Variants in PCDHGB4 observed in about 807,000 individuals in gnomAD.
PCDHGB4 encodes the protein protocadherin gamma subfamily B, 4.
In PCDHGB4, 38 loss-of-function variants were observed where a neutral mutation model predicts 60.5. The ratio of observed to expected loss-of-function variants is 0.63; its 90% CI spans 0.48 to 0.82. The LOEUF (loss-of-function observed/expected upper bound fraction) is 0.82. Among genes scored for constraint, PCDHGB4 ranks in the 40% least tolerant of loss-of-function variants. The pLI is 0.00. For synonymous variants in PCDHGB4, 456 were observed against 509.7 expected (o/e 0.89, Z 1.42); for missense variants, 1,109 against 1,209.6 (o/e 0.92, Z 1.23).
In PCDHGB4 at chr5:141,476,235, A is replaced by G; in HGVS notation, c.2398-18572A>G. ...GTCATTCACTATGAGATCCCGGAGG[A>G]AAGAGAGAAGGGTTTCGCTGTGGGC... is the stretch of plus-strand genomic sequence containing the variant. On this transcript the variant is annotated intron_variant, in intron 1 of 3. Coordinates refer to ENST00000519479, the MANE Select transcript of PCDHGB4 (RefSeq NM_003736.4). The surrounding 1 kb of genome is among the most constrained non-coding windows in gnomAD (Gnocchi z 7.6). 2 of 1,613,844 alleles carry G rather than the reference A, an allele frequency of 1.2e-6. No homozygotes were observed. Among genetic ancestry groups the G allele is most frequent in the Admixed American group, 1.7e-5 (1 of 59,990 alleles).
rs1380763543 is a variant in PCDHGB4 at position 141,389,784 on chromosome 5, G to A, written c.1900G>A (p.Asp634Asn). ...CACAGCGCGTGCCTTAGGCGACAGG[G>A]ACGCCGTCCGCCAGCGCCTTCTGGT... ...VRTARALGDR[D>N]AVRQRLLVAV... Residue 634 changes from aspartate to asparagine, a missense_variant, in exon 1 of 4, where the codon GAC becomes AAC. Physicochemically the swap from Asp to Asn is conservative, Grantham distance 23. This residue lies in a region of PCDHGB4 where 1,068 missense variants were observed against 1,089.9 expected (regional missense o/e 0.98). Transcript: ENST00000519479. 3.1e-6 allele frequency: 5 copies of A among 1,613,318 alleles called. No homozygotes were observed. The highest frequency in any genetic ancestry group is 4.2e-6 in the Non-Finnish European group (5 of 1,179,766).
At chr5:141,393,195 G>A (rs1359316660) in intron 1 of PCDHGB4, 6 of 1,613,316 alleles carry the variant, frequency 3.7e-6, no homozygotes, top group South Asian at 1.1e-5. Context: ...TGATATTAAC[G>A]ATAATAACCC....
Position 141,388,506 on chromosome 5 carries a change from T to C in PCDHGB4, c.622T>C (p.Tyr208His). 6.2e-7 allele frequency: 1 copy of C among 1,613,870 alleles called. No individual in the cohort carries two copies. Among genetic ancestry groups the C allele is most frequent in the Non-Finnish European group, 8.5e-7 (1 of 1,179,898 alleles). Residue 208 changes from tyrosine to histidine, a missense_variant, in exon 1 of 4, where the codon TAC (tyrosine) becomes CAC (histidine). Around this residue, in one of 2 missense-constraint regions of PCDHGB4, gnomAD observed 1,068 missense variants for 1,089.9 expected, o/e 0.98. Coordinates refer to ENST00000519479, the MANE Select transcript of PCDHGB4 (RefSeq NM_003736.4). ...TTTGGACAGAGAAAAGCAGAAATCC[T>C]ACCACTTGACTTTGACTGCCTTGGA... ...TPLDREKQKS[Y>H]HLTLTALDFG...
chr5:141,419,662 T>C (rs767190243), intron 1 of PCDHGB4: 140 of 1,612,700 alleles, frequency 8.7e-5, no homozygotes, highest in South Asian at 2.2e-5. Flanking sequence ...CGGGGCACAA[T>C]GCCTGGCTGT....
At chr5:141,510,799 C>G in intron 3 of PCDHGB4, 148 bp from the exon 4 acceptor site, 1 of 1,481,460 alleles carries the variant, frequency 6.8e-7, no homozygotes. Context: ...TGAAGAGAGA[C>G]TACCTTGGTG....
chr5:141,454,796 A>ATTTTTTTTTTTTTTTTTTTTTTTTTTTT (rs61612330), intron 1 of PCDHGB4, among the ~76,000 whole-genome samples: 3 of 77,456 alleles, frequency 3.9e-5, no homozygotes, highest in Admixed American at 1.8e-4. Flanking sequence ...CATGGTTCTA[A>ATTTTTTTTTTTTTTTTTTTTTTTTTTTT]TTTTTTTTTT....
At chr5:141,396,104 A>T (rs1423560620) in intron 1 of PCDHGB4, 1 of 152,258 alleles carries the variant, frequency 6.6e-6, no homozygotes, top group African/African-American at 2.4e-5. Flanking sequence ...TGTTGATATT[A>T]AGAACCAATG....
At chr5:141,474,854 T>G (rs1007461186) in intron 1 of PCDHGB4, among the ~76,000 whole-genome samples, 3 of 152,260 alleles carry the variant, frequency 2.0e-5, no homozygotes, top group African/African-American at 7.2e-5. Flanking sequence ...CCTGCCTTCT[T>G]CATTTAATAG....
In PCDHGB4 at chr5:141,431,819, A is replaced by C. The variant is rs2097420237; in HGVS notation, c.2397+41538A>C. On this transcript the variant is annotated intron_variant, in intron 1 of 3. Transcript: ENST00000519479. The surrounding 1 kb of genome is among the most constrained non-coding windows in gnomAD (Gnocchi z 4.8). ...AGAAGTGGTCCTCACCTCTCTCGCC[A>C]GCTCGGTTCCCGAAAACTCTCCCAG... 6.2e-7 allele frequency: 1 copy of C among 1,614,154 alleles called. No individual in the cohort carries two copies. Among genetic ancestry groups the C allele is most frequent in the Admixed American group, 1.7e-5 (1 of 60,018 alleles).
At chr5:141,463,075 A>G (rs943294678) in intron 1 of PCDHGB4, among the ~76,000 whole-genome samples, 3 of 152,180 alleles carry the variant, frequency 2.0e-5, no homozygotes, top group East Asian at 1.9e-4. Context: ...ATGAAATTCA[A>G]ACATTTTCCA....
intron 1 of PCDHGB4, chr5:141,415,426 C>T: frequency 6.2e-7 from 1 of 1,614,194 alleles, no homozygotes; most frequent in Non-Finnish European, 8.5e-7. Flanking sequence ...GGACGGGGTT[C>T]GGGCTTTCCT....
Position 141,476,278 on chromosome 5 carries a change from T to C in PCDHGB4, c.2398-18529T>C, listed in dbSNP as rs746655724. On this transcript the variant is annotated intron_variant, in intron 1 of 3. Transcript: ENST00000519479. The surrounding 1 kb of genome is among the most constrained non-coding windows in gnomAD (Gnocchi z 7.6). ...CTGTGGGCAACGTGGTCGCGAACCTTGGTTTGGATCTCGGTAGCCTCTCAG... is the reference window on the plus strand; with the variant it reads ...CTGTGGGCAACGTGGTCGCGAACCTCGGTTTGGATCTCGGTAGCCTCTCAG... The C allele has an allele frequency of 3.2e-5, 52 of 1,613,758 alleles. No homozygotes were observed. Among genetic ancestry groups the C allele is most frequent in the Non-Finnish European group, 4.2e-5 (49 of 1,179,958 alleles).
At chr5:141,495,710 G>C (rs2099763133) in intron 2 of PCDHGB4, among the ~76,000 whole-genome samples, 1 of 152,148 alleles carries the variant, frequency 6.6e-6, no homozygotes, top group Non-Finnish European at 1.5e-5. Flanking sequence ...TGTGGAGTGA[G>C]TAACTACACG....
intron 1 of PCDHGB4, chr5:141,427,749 A>G (rs770208196): frequency 4.6e-6 from 6 of 1,299,142 alleles, no homozygotes; most frequent in South Asian, 2.4e-5. Context: ...CTCCTACTCC[A>G]TCGTTACCAC....
chr5:141,457,422 T>C (rs2098920028), intron 1 of PCDHGB4, among the ~76,000 whole-genome samples: 1 of 151,626 alleles, frequency 6.6e-6, no homozygotes. Flanking sequence ...CATCCCTTTT[T>C]CCCCCCCACC....
chr5:141,402,973 C>T (rs779898665), intron 1 of PCDHGB4: 4 of 1,608,044 alleles, frequency 2.5e-6, no homozygotes, highest in Non-Finnish European at 2.5e-6. Context: ...CAACCAAATG[C>T]CAGCTCCGCG....
At chr5:141,427,692 C>A in intron 1 of PCDHGB4, 1 of 903,150 alleles carries the variant, frequency 1.1e-6, no homozygotes, top group Non-Finnish European at 1.8e-6. Context: ...AGCCTCCATC[C>A]CACAAGTCAG....
chr5:141,422,052 CG>C (rs1282698929), intron 1 of PCDHGB4: 1 of 1,611,298 alleles, frequency 6.2e-7, no homozygotes, highest in South Asian at 1.1e-5. Context: ...AGGGAATCAA[CG>C]GGGAAGTAAT....
In PCDHGB4 at chr5:141,490,912, AATG is replaced by A; in HGVS notation, c.2398-3892_2398-3890del. 6.2e-7 allele frequency: 1 copy of A among 1,613,644 alleles called. No homozygotes were observed. Among genetic ancestry groups the A allele is most frequent in the Non-Finnish European group, 8.5e-7 (1 of 1,179,684 alleles). On this transcript the variant is annotated intron_variant, in intron 1 of 3. Transcript: ENST00000519479. This position sits in a 1 kb window ranked among gnomAD's most constrained non-coding sequence, Gnocchi z 5.4. ...TCTGCATGTGTTTGTCCTAGACGAG[AATG>A]ATAATGCCCCAGCTGTGCTGCACCC...
Sources: allele counts gnomAD v4.1 joint callset (sites outside exome capture counted in the v4.1 genomes callset), GRCh38; gene constraint gnomAD v4.1.1; regional missense constraint gnomAD v4.1.1; non-coding constraint Gnocchi (gnomAD v3.1); transcripts MANE v1.5; gene names NCBI Gene and HGNC (gene_info 2026-07-23, HGNC 2026-07-21).